The following RBL2 variants were observed in gnomAD, a reference collection of about 807,000 sequenced individuals.
RBL2 encodes the protein RB transcriptional corepressor like 2.
RBL2 carries 56 observed loss-of-function variants against 126.0 expected under a neutral mutation model. The ratio of observed to expected loss-of-function variants is 0.44; its 90% CI spans 0.36 to 0.56. The LOEUF (loss-of-function observed/expected upper bound fraction) is 0.56, where lower values mean the gene tolerates loss of function less well. Among genes scored for constraint, RBL2 ranks in the 20% least tolerant of loss-of-function variants. The probability of loss-of-function intolerance (pLI) is 0.00; values close to 1 mark genes in which losing one functional copy is unlikely to be tolerated. For synonymous variants in RBL2, 454 were observed against 478.5 expected, an observed-to-expected ratio of 0.95 and a Z score of 0.67; for missense variants, 1,229 against 1,398.2, an observed-to-expected ratio of 0.88 and a Z score of 1.93.
chr16:53,451,982 G>A lies in RBL2; in HGVS notation c.766+151G>A, dbSNP rs1373490969. ...CTTATAACTAAGAGTCAAGCTGCCT[G>A]TAAAAATATTTTTGGATAAACAGTT... On this transcript the variant is annotated intron_variant, in intron 5 of 21. Coordinates refer to ENST00000262133, the MANE Select transcript of RBL2 (RefSeq NM_005611.4). The A allele has an allele frequency of 1.2e-5, 10 of 862,224 alleles. No individual in the cohort carries two copies. The East Asian group carries it at 2.4e-4, about 20-fold the overall frequency. 53.4% of individuals were successfully genotyped at this position (862,224 alleles called of 1,614,324 possible).
At chr16:53,474,159 A>G (rs1960630545) in intron 17 of RBL2, among the ~76,000 whole-genome samples, 1 of 151,800 alleles carries the variant, frequency 6.6e-6, no homozygotes, top group Admixed American at 6.6e-5. Flanking sequence ...TGCCTGGCTA[A>G]TTTTTTAAAT....
At chr16:53,468,999 G>T (rs898225284) in intron 14 of RBL2, among the ~76,000 whole-genome samples, 2 of 152,156 alleles carry the variant, frequency 1.3e-5, no homozygotes, top group East Asian at 3.8e-4. Flanking sequence ...GGAGGCCAAG[G>T]CGGGTGGATC....
chr16:53,449,728 T>G (rs2058095965), intron 4 of RBL2: 1 of 152,172 alleles, frequency 6.6e-6, no homozygotes, highest in Admixed American at 6.5e-5. Flanking sequence ...TGTACTCTTT[T>G]ATAGCCACCT....
chr16:53,434,932 C>A (rs1598081112), intron 1 of RBL2, 136 bp downstream of exon 1: 1 of 1,306,214 alleles, frequency 7.7e-7, no homozygotes, highest in East Asian at 3.0e-5. Context: ...ACTTCCTCTG[C>A]GCTATTCCGA....
chr16:53,454,274 G>A (rs554194577), intron 7 of RBL2: 17 of 443,352 alleles, frequency 3.8e-5, no homozygotes, highest in Admixed American at 2.0e-4. Flanking sequence ...GCATGATCTC[G>A]GCTCACTGCA....
intron 13 of RBL2, among the ~76,000 whole-genome samples, chr16:53,466,533 G>GT (rs1483080055): frequency 6.6e-6 from 1 of 151,678 alleles, no homozygotes; most frequent in East Asian, 1.9e-4. Context: ...GTGGGAGACA[G>GT]TGACAGATCA....
At chr16:53,441,753 T>G (rs1361910197) in intron 2 of RBL2, among the ~76,000 whole-genome samples, 1 of 152,168 alleles carries the variant, frequency 6.6e-6, no homozygotes, top group Non-Finnish European at 1.5e-5. Flanking sequence ...GGTTTTTATC[T>G]TTGGGGTAGA....
chr16:53,482,344 G>A (rs1960987166), intron 21 of RBL2, among the ~76,000 whole-genome samples: 1 of 152,202 alleles, frequency 6.6e-6, no homozygotes. Context: ...ATGTTGAAAA[G>A]TCAGGGAGCT....
intron 1 of RBL2, 45 bp from the exon 2 acceptor site, chr16:53,438,971 A>ATATG (rs1177530411): frequency 7.6e-7 from 1 of 1,316,140 alleles, no homozygotes; most frequent in African/African-American, 1.5e-5. Context: ...TGAAATATTT[A>ATATG]TATGTAGCTT....
chr16:53,449,958 CTTTTTT>C (rs764078451), intron 4 of RBL2, among the ~76,000 whole-genome samples: 3 of 109,738 alleles, frequency 2.7e-5, no homozygotes, highest in Non-Finnish European at 5.6e-5. Context: ...ACAGTACTGC[CTTTTTT>C]TTTTTTTTTT....
At chr16:53,434,879 C>T (rs918453303) in intron 1 of RBL2, 83 bp downstream of exon 1, 13 of 1,394,472 alleles carry the variant, frequency 9.3e-6, no homozygotes, top group South Asian at 1.6e-5. Context: ...CCTCGAGAGA[C>T]TCTCGGGCGG....
chr16:53,480,326 C>T, intron 19 of RBL2: 1 of 543,482 alleles, frequency 1.8e-6, no homozygotes, highest in South Asian at 2.5e-5. Flanking sequence ...GGCTTAGGTC[C>T]TAGAAAATTT....
At chr16:53,439,284 C>A in intron 2 of RBL2, 138 bp downstream of exon 2, 1 of 661,362 alleles carries the variant, frequency 1.5e-6, no homozygotes, top group Non-Finnish European at 2.2e-6. Flanking sequence ...CTAAAACTAG[C>A]ATCTAATGAT....
chr16:53,435,103 G>C (rs2153136696), intron 1 of RBL2, among the ~76,000 whole-genome samples: 1 of 152,162 alleles, frequency 6.6e-6, no homozygotes, highest in South Asian at 2.1e-4. Flanking sequence ...CCCCCCGCCC[G>C]CCTTGTTAGT....
In RBL2 at chr16:53,446,711, A is replaced by G. The variant is rs138365471; in HGVS notation, c.573-331A>G. 1.2e-4 allele frequency among the ~76,000 whole-genome samples: 18 copies of G among 152,372 alleles called. No individual in the cohort carries two copies. In the East Asian group the frequency reaches 3.3e-3, roughly 28 times the overall value. ...AAAATAAGGACATATCTGACTGCAT[A>G]TAGTGGTCCTAAAGCAGCATAGCAT... On this transcript the variant is annotated intron_variant, in intron 3 of 21. Coordinates refer to ENST00000262133, the MANE Select transcript of RBL2 (RefSeq NM_005611.4).
chr16:53,456,186 G>GAGA (rs2058166257), intron 8 of RBL2, among the ~76,000 whole-genome samples: 9 of 151,210 alleles, frequency 6.0e-5, no homozygotes, highest in Admixed American at 5.9e-4. Context: ...TAAAAAAAAA[G>GAGA]AAAAGAAGAA....
rs945506934 is a variant in RBL2 at position 53,470,007 on chromosome 16, C to T, written c.2067C>T (p.Pro689=). ...GGCTATTTGTTGAGAATGATAGCCC[C>T]TCTGATGGAGGGACGCCTGGGCGCA... The part of the protein sequence containing the change: ...RRRLFVENDS[P]SDGGTPGRMP... The change falls in exon 15 of 22, where the codon CCC becomes CCT. Residue 689 remains proline, a synonymous_variant. Coordinates refer to ENST00000262133, the MANE Select transcript of RBL2 (RefSeq NM_005611.4). 3.1e-6 allele frequency: 5 copies of T among 1,614,198 alleles called. No individual in the cohort carries two copies. Among genetic ancestry groups the T allele is most frequent in the Non-Finnish European group, 4.2e-6 (5 of 1,180,014 alleles).
chr16:53,453,512 T>C lies in RBL2; in HGVS notation c.827T>C (p.Ile276Thr), dbSNP rs1273641187. The C allele has an allele frequency of 4.3e-6, 7 of 1,613,090 alleles. No individual in the cohort carries two copies. Among genetic ancestry groups the C allele is most frequent in the Non-Finnish European group, 5.9e-6 (7 of 1,179,318 alleles). Residue 276 changes from isoleucine to threonine, a missense_variant, in exon 6 of 22, where the codon ATT becomes ACT. Ile to Thr is a moderately conservative substitution (Grantham distance 89). Around this residue, in one of 2 missense-constraint regions of RBL2, gnomAD observed 1,070 missense variants for 1,274.3 expected, o/e 0.84. Coordinates refer to ENST00000262133, the MANE Select transcript of RBL2 (RefSeq NM_005611.4). ...SKPSSDPPCI[I>T]EKLCSLHDGL... ...CCTTCCTCTGACCCCCCTTGTATCA[T>C]TGAGAAACTGTGTTCCTTACATGAT...
intron 8 of RBL2, among the ~76,000 whole-genome samples, chr16:53,456,647 C>T (rs2058170268): frequency 6.6e-6 from 1 of 152,252 alleles, no homozygotes; most frequent in South Asian, 2.1e-4. Context: ...CCTCCCTCCT[C>T]ACCCACTTAT....
Sources: gnomAD v4.1 joint callset for allele counts (sites outside exome capture counted in the v4.1 genomes callset) on GRCh38, gnomAD v4.1.1 for gene constraint, gnomAD v4.1.1 regional missense constraint, MANE v1.5 for transcripts, NCBI Gene and HGNC (gene_info 2026-07-23, HGNC 2026-07-21) for gene names.